Variants in PTPRB observed in about 807,000 individuals in gnomAD.
The protein encoded by PTPRB is receptor-type tyrosine-protein phosphatase beta.
In PTPRB, 97 loss-of-function variants were observed where a neutral mutation model predicts 238.1. The ratio of observed to expected loss-of-function variants is 0.41; its 90% confidence interval spans 0.35 to 0.48. The LOEUF is 0.48. Ranked by LOEUF, PTPRB falls within the 20% of genes least tolerant of loss-of-function variation. The probability of loss-of-function intolerance (pLI) is 0.30; values close to 1 mark genes in which losing one functional copy is unlikely to be tolerated. For synonymous variants in PTPRB, 970 were observed against 995.4 expected, an observed-to-expected ratio of 0.97 and a Z score of 0.48; for missense variants, 2,292 against 2,681.9, an observed-to-expected ratio of 0.85 and a Z score of 3.21.
chr12:70,517,371 C>G lies in PTPRB; in HGVS notation c.*4118G>C, dbSNP rs1226030938. The G allele has an allele frequency of 2.6e-5, 4 of 152,190 alleles. No individual in the cohort carries two copies. Among genetic ancestry groups the G allele is most frequent in the Non-Finnish European group, 5.9e-5 (4 of 68,022 alleles). The allele number at this position is 152,190 out of a possible 1,614,324, so 9.4% of individuals were successfully genotyped here. On this transcript the variant is annotated 3_prime_UTR_variant, in exon 34 of 34. Coordinates refer to ENST00000334414, the MANE Select transcript of PTPRB (RefSeq NM_001109754.4). ...TGATGTCTGGTTAGATTCTGTTTTG[C>G]AAATATTTTCTCTTTGCATCATTTC...
At position 70,596,116 on chromosome 12, in the gene PTPRB, G is replaced by T; in HGVS notation, c.1191C>A (p.Tyr397Ter). 1 of 1,613,356 alleles carries T rather than the reference G, an allele frequency of 6.2e-7. No individual in the cohort carries two copies. Among genetic ancestry groups the T allele is most frequent in the Non-Finnish European group, 8.5e-7 (1 of 1,179,442 alleles). Reference sequence around the variant, plus strand: ...CAGAAACAGCTGTGATGGCAATATTGTATTTACTACCAGCAGTGAGATTGA... The same window carrying T: ...CAGAAACAGCTGTGATGGCAATATTTTATTTACTACCAGCAGTGAGATTGA... ...TFFNLTAGSK[Y>*]NIAITAVSGG... The change falls in exon 5 of 34, where the codon TAC becomes TAA. Residue 397 changes from tyrosine to a stop codon, truncating the protein, a stop_gained. Coordinates refer to ENST00000334414, the MANE Select transcript of PTPRB (RefSeq NM_001109754.4). LOFTEE classifies it high-confidence loss of function.
chr12:70,567,685 T>A (rs769104460), intron 14 of PTPRB, among the ~76,000 whole-genome samples: 11 of 152,300 alleles, frequency 7.2e-5, no homozygotes, highest in Middle Eastern at 3.4e-3. Flanking sequence ...CTCCTACTCT[T>A]TCAATCTGCA....
Position 70,596,207 on chromosome 12 carries a change from T to C in PTPRB, c.1100A>G (p.Glu367Gly). The C allele has an allele frequency of 6.2e-7, 1 of 1,613,884 alleles. No homozygotes were observed. The highest frequency in any genetic ancestry group is 1.1e-5 in the South Asian group (1 of 91,074). Residue 367 changes from glutamate (E) to glycine (G), a missense_variant, in exon 5 of 34, where the codon GAA becomes GGA. By Grantham distance (98) the Glu-to-Gly change is moderately conservative (BLOSUM62 -2). Coordinates refer to ENST00000334414, the MANE Select transcript of PTPRB (RefSeq NM_001109754.4). Reference sequence around the variant, plus strand: ...AACCCCCTGTATCTTTTGGTTATTTTCATCAAATAATTGCACCTCATATGA... The same window carrying C: ...AACCCCCTGTATCTTTTGGTTATTTCCATCAAATAATTGCACCTCATATGA... ...VTSYEVQLFDENNQKIQGVQI... is the reference protein window; with the variant it reads ...VTSYEVQLFDGNNQKIQGVQI...
intron 3 of PTPRB, among the ~76,000 whole-genome samples, chr12:70,620,517 T>A (rs918843498): frequency 2.6e-5 from 4 of 152,304 alleles, no homozygotes; most frequent in African/African-American, 9.6e-5. Flanking sequence ...CACACTTAAT[T>A]TTTTTTCTCT....
At chr12:70,565,574 A>G (rs1879182368) in intron 15 of PTPRB, among the ~76,000 whole-genome samples, 1 of 152,160 alleles carries the variant, frequency 6.6e-6, no homozygotes, top group African/African-American at 2.4e-5. Context: ...ACTCTTTATC[A>G]CAATGCATTG....
rs200541540 is a variant in PTPRB, at chr12:70,600,469, G to A, written c.980-4142C>T. ...ACAAAAAATAAAAATAGATGTCTACGGAAAATGATAGGCATATTTATAGAA... is the reference window on the plus strand; with the variant it reads ...ACAAAAAATAAAAATAGATGTCTACAGAAAATGATAGGCATATTTATAGAA... On this transcript the variant is annotated intron_variant, in intron 4 of 33. Transcript: ENST00000334414. Among the ~76,000 whole-genome samples the A allele has an allele frequency of 3.0e-4, 45 of 152,254 alleles. 2 individuals carry two copies. The East Asian group carries it at 6.9e-3, about 23-fold the overall frequency.
chr12:70,631,204 C>T (rs1388454586), intron 2 of PTPRB, among the ~76,000 whole-genome samples: 1 of 152,178 alleles, frequency 6.6e-6, no homozygotes, highest in Non-Finnish European at 1.5e-5. Flanking sequence ...GTAACCAAAA[C>T]AGCATGGTAC....
intron 15 of PTPRB, 47 bp downstream of exon 15, chr12:70,566,388 C>T (rs1879299586): frequency 6.3e-7 from 1 of 1,589,906 alleles, no homozygotes; most frequent in South Asian, 1.2e-5. Context: ...TACACAATAG[C>T]AGACATTGGC....
intron 33 of PTPRB, among the ~76,000 whole-genome samples, chr12:70,521,862 C>G (rs1348043876): frequency 6.6e-6 from 1 of 152,048 alleles, no homozygotes; most frequent in Non-Finnish European, 1.5e-5. Flanking sequence ...TTTTCTATAC[C>G]ATAGTTAGCT....
intron 12 of PTPRB, chr12:70,571,540 T>C: frequency 1.7e-6 from 1 of 583,442 alleles, no homozygotes; most frequent in Non-Finnish European, 3.0e-6. Flanking sequence ...ATCTCAATCA[T>C]AAGATAAAAC....
At chr12:70,539,454 A>G (rs1394547034) in intron 26 of PTPRB, 171 bp downstream of exon 26, 3 of 608,166 alleles carry the variant, frequency 4.9e-6, no homozygotes, top group South Asian at 2.1e-5. Flanking sequence ...CTAAGATTAG[A>G]TGGTATATTC....
In PTPRB at chr12:70,571,066, G is replaced by C; in HGVS notation, c.3330C>G (p.Ser1110Arg). 1 of 1,613,916 alleles carries C rather than the reference G, an allele frequency of 6.2e-7. No homozygotes were observed. The highest frequency in any genetic ancestry group is 8.5e-7 in the Non-Finnish European group (1 of 1,179,876). ...RQYKILVLTISGDVQQSAFIE... is the reference protein window; with the variant it reads ...RQYKILVLTIRGDVQQSAFIE... ...TGAAGGCTGACTGCTGTACATCCCC[G>C]CTAATCGTCAAGACAAGAATTTTGT... The change falls in exon 13 of 34, where the codon AGC becomes AGG. Residue 1110 changes from serine (S) to arginine (R), a missense_variant. Coordinates refer to ENST00000334414, the MANE Select transcript of PTPRB (RefSeq NM_001109754.4).
chr12:70,564,786 T>C (rs1010772507), intron 15 of PTPRB, among the ~76,000 whole-genome samples: 20 of 151,226 alleles, frequency 1.3e-4, no homozygotes, highest in Admixed American at 1.3e-4. Flanking sequence ...TGAATTGAGA[T>C]TGTGCCACTG....
chr12:70,569,829 T>G lies in PTPRB; in HGVS notation c.3480A>C (p.Ala1160=). The change falls in exon 14 of 34, where the codon GCA becomes GCC. Residue 1160 remains alanine (A), a synonymous_variant. Coordinates refer to ENST00000334414, the MANE Select transcript of PTPRB (RefSeq NM_001109754.4). ...AGTCAACCTTTTGACTGTGCCTGAA[T>G]GCCGACACCGTGTAGGAATCAACGT... ...GGDVDSYTVS[A]FRHSQKVDSQ... is the part of the protein sequence containing the mutation. 6.2e-7 allele frequency: 1 copy of G among 1,614,006 alleles called. No homozygotes were observed. The highest frequency in any genetic ancestry group is 8.5e-7 in the Non-Finnish European group (1 of 1,179,892).
At chr12:70,627,997 A>C (rs1029354007) in intron 2 of PTPRB, among the ~76,000 whole-genome samples, 1 of 152,302 alleles carries the variant, frequency 6.6e-6, no homozygotes, top group African/African-American at 2.4e-5. Flanking sequence ...CACACATTTT[A>C]TTCCCTCTCC....
At chr12:70,586,799 A>G (rs1881961016) in intron 9 of PTPRB, among the ~76,000 whole-genome samples, 1 of 152,226 alleles carries the variant, frequency 6.6e-6, no homozygotes, top group Non-Finnish European at 1.5e-5. Flanking sequence ...TTTCAAGTTT[A>G]GCAAACTAAA....
In PTPRB at chr12:70,534,644, T is replaced by A. The variant is rs1429650818; in HGVS notation, c.6212A>T (p.Gln2071Leu). 2.5e-6 allele frequency: 4 copies of A among 1,612,070 alleles called. No homozygotes were observed. Among genetic ancestry groups the A allele is most frequent in the Non-Finnish European group, 3.4e-6 (4 of 1,179,100 alleles). Residue 2071 changes from glutamine to leucine, a missense_variant, in exon 31 of 34, where the codon CAG becomes CTG. Gln to Leu is a moderately radical substitution (Grantham distance 113). Transcript: ENST00000334414. ...IREFKICGEE[Q>L]LDAHRLIRHF... is the part of the protein sequence containing the mutation. ...GCGGATGAGTCTGTGTGCATCAAGCTGTTCCTCCTGTAAGAGCAGAGAGCA... is the reference window on the plus strand; with the variant it reads ...GCGGATGAGTCTGTGTGCATCAAGCAGTTCCTCCTGTAAGAGCAGAGAGCA...
chr12:70,635,207 TC>T (rs949986861), intron 2 of PTPRB, among the ~76,000 whole-genome samples: 13 of 152,216 alleles, frequency 8.5e-5, no homozygotes, highest in Admixed American at 6.5e-5. Flanking sequence ...ACAACTATCT[TC>T]CAGTCTTATC....
chr12:70,603,550 G>GA (rs142101095), intron 4 of PTPRB, among the ~76,000 whole-genome samples: 2,091 of 152,254 alleles, frequency 0.014, 22 homozygotes, highest in South Asian at 0.034. Context: ...CAGTAAACCA[G>GA]AGTTCAAGTT....
Sources: allele counts gnomAD v4.1 joint callset (sites outside exome capture counted in the v4.1 genomes callset), GRCh38; gene constraint gnomAD v4.1.1; transcripts MANE v1.5; gene names NCBI Gene and HGNC (gene_info 2026-07-23, HGNC 2026-07-21).